The following COL10A1 variants were observed in gnomAD, a reference collection of about 807,000 sequenced individuals.
COL10A1 encodes the protein collagen alpha-1(X) chain.
Under a neutral mutation model 18.2 loss-of-function variants are expected in COL10A1, and 10 were observed. That is an observed-to-expected ratio of 0.55 (90% CI 0.34 to 0.93). The LOEUF (loss-of-function observed/expected upper bound fraction) is 0.93, where lower values mean the gene tolerates loss of function less well. COL10A1 is among the 40% of genes least tolerant of loss of function. The pLI is 0.02. For missense variants in COL10A1, 897 were observed against 853.5 expected (o/e 1.05, Z -0.64); for synonymous variants, 330 against 316.6 (o/e 1.04, Z -0.45).
Position 116,120,282 on chromosome 6 carries a change from C to A in COL10A1, c.1834G>T (p.Val612Leu). The A allele has an allele frequency of 6.2e-7, 1 of 1,614,182 alleles. No individual in the cohort carries two copies. The highest frequency in any genetic ancestry group is 8.5e-7 in the Non-Finnish European group (1 of 1,180,030). Residue 612 changes from valine (V) to leucine (L), a missense_variant, in exon 3 of 3, where the codon GTA (valine) becomes TTA (leucine). Transcript: ENST00000651968. ...GGGGTGCCATTCTTATACAGGCCTA[C>A]CCAAACATGAGTCCCTTTCACATGC... is the stretch of plus-strand genomic sequence containing the variant. ...HVHVKGTHVW[V>L]GLYKNGTPVM...
At chr6:116,138,801 A>G (rs536085648) in intron 1 of COL10A1, among the ~76,000 whole-genome samples, 24 of 152,284 alleles carry the variant, frequency 1.6e-4, no homozygotes, top group African/African-American at 5.8e-4. Context: ...TGAGTTAAAT[A>G]TGGCAGGGGA....
chr6:116,194,080 C>A, the COL10A1 span, among the ~76,000 whole-genome samples: 1 of 151,718 alleles, frequency 6.6e-6, no homozygotes, highest in Non-Finnish European at 1.5e-5. Context: ...ATTTGGTCAA[C>A]AATAAATAAA....
At chr6:116,143,173 A>G (rs1441309051) in intron 1 of COL10A1, among the ~76,000 whole-genome samples, 1 of 152,138 alleles carries the variant, frequency 6.6e-6, no homozygotes, top group Non-Finnish European at 1.5e-5. Context: ...AACATAGATA[A>G]TATTAAAAGA....
At chr6:116,168,285 T>C in the COL10A1 span, among the ~76,000 whole-genome samples, 2 of 152,060 alleles carry the variant, frequency 1.3e-5, no homozygotes, top group African/African-American at 2.4e-5. Flanking sequence ...TCACCTTCTC[T>C]CTTTTCTTGT....
chr6:116,177,188 A>G, the COL10A1 span, among the ~76,000 whole-genome samples: 1 of 152,284 alleles, frequency 6.6e-6, no homozygotes, highest in Admixed American at 6.5e-5. Flanking sequence ...TTCGTTTCCA[A>G]CAAATTCTCA....
At chr6:116,188,219 A>G in the COL10A1 span, among the ~76,000 whole-genome samples, 1 of 152,070 alleles carries the variant, frequency 6.6e-6, no homozygotes, top group African/African-American at 2.4e-5. Flanking sequence ...TGTGAAGCAA[A>G]GAGAACCCTT....
intron 1 of COL10A1, among the ~76,000 whole-genome samples, chr6:116,156,458 T>A (rs1477822728): frequency 6.6e-6 from 1 of 152,172 alleles, no homozygotes; most frequent in Non-Finnish European, 1.5e-5. Context: ...ATAGTCTGCC[T>A]CATAAGGGAT....
chr6:116,201,015 A>C, the COL10A1 span, among the ~76,000 whole-genome samples: 1 of 152,106 alleles, frequency 6.6e-6, no homozygotes. Context: ...GGAAGGTACT[A>C]TGGTAGCACC....
At chr6:116,189,272 G>T in the COL10A1 span, among the ~76,000 whole-genome samples, 3 of 151,688 alleles carry the variant, frequency 2.0e-5, no homozygotes, top group African/African-American at 7.3e-5. Context: ...CTTTAGAATT[G>T]TGTAATTGAT....
At chr6:116,192,595 A>G in the COL10A1 span, among the ~76,000 whole-genome samples, 1 of 152,060 alleles carries the variant, frequency 6.6e-6, no homozygotes, top group Non-Finnish European at 1.5e-5. Context: ...CAAAAATCAA[A>G]TCTTAAAGTA....
chr6:116,139,807 G>A (rs939989177), intron 1 of COL10A1, among the ~76,000 whole-genome samples: 4 of 152,122 alleles, frequency 2.6e-5, no homozygotes, highest in African/African-American at 9.7e-5. Context: ...TCTTCAATGT[G>A]AGGGCCATTT....
chr6:116,190,874 G>A, the COL10A1 span, among the ~76,000 whole-genome samples: 1 of 151,978 alleles, frequency 6.6e-6, no homozygotes, highest in African/African-American at 2.4e-5. Flanking sequence ...GGTTCTGTGT[G>A]GTGCTTCTAC....
the COL10A1 span, among the ~76,000 whole-genome samples, chr6:116,170,155 A>G: frequency 6.6e-6 from 1 of 152,180 alleles, no homozygotes; most frequent in Non-Finnish European, 1.5e-5. Flanking sequence ...GTCTTTATAT[A>G]TAAACATTCT....
the COL10A1 span, among the ~76,000 whole-genome samples, chr6:116,181,506 T>C: frequency 6.6e-6 from 1 of 152,082 alleles, no homozygotes; most frequent in African/African-American, 2.4e-5. Context: ...AAGAACTTCT[T>C]TAATCCCATT....
At chr6:116,190,481 G>A in the COL10A1 span, among the ~76,000 whole-genome samples, 5,240 of 152,018 alleles carry the variant, frequency 0.034, 282 homozygotes, top group African/African-American at 0.11. Flanking sequence ...ACAGAAGTTA[G>A]CGGCAGTGGT....
At chr6:116,213,570 T>C in the COL10A1 span, among the ~76,000 whole-genome samples, 14 of 152,130 alleles carry the variant, frequency 9.2e-5, no homozygotes, top group African/African-American at 3.4e-4. Flanking sequence ...TCTAGACATA[T>C]GAGGTGGGAG....
chr6:116,133,619 A>C (rs2114338387), intron 1 of COL10A1, among the ~76,000 whole-genome samples: 1 of 152,266 alleles, frequency 6.6e-6, no homozygotes, highest in East Asian at 1.9e-4. Flanking sequence ...AATCATACTA[A>C]CAATGAAAAT....
chr6:116,162,111 A>G (rs1422625366), upstream of COL10A1, among the ~76,000 whole-genome samples: 1 of 152,092 alleles, frequency 6.6e-6, no homozygotes, highest in African/African-American at 2.4e-5. Flanking sequence ...GCAACTGATT[A>G]TGGTGTGTTA....
At chr6:116,137,752 C>A (rs1045168798) in intron 1 of COL10A1, among the ~76,000 whole-genome samples, 4 of 152,118 alleles carry the variant, frequency 2.6e-5, no homozygotes, top group Admixed American at 6.5e-5. Flanking sequence ...ATATGGAAAA[C>A]CAGTTATCTT....
Sources: gnomAD v4.1 joint callset for allele counts (sites outside exome capture counted in the v4.1 genomes callset) on GRCh38, gnomAD v4.1.1 for gene constraint, MANE v1.5 for transcripts, NCBI Gene and HGNC (gene_info 2026-07-23, HGNC 2026-07-21) for gene names.